MAST2: variants seen among roughly 807,000 people sequenced by gnomAD.
MAST2 encodes the protein microtubule associated serine/threonine kinase 2.
MAST2 carries 70 observed loss-of-function variants against 147.4 expected under a neutral mutation model. The observed-to-expected ratio is 0.47, with a 90% confidence interval of 0.39 to 0.58. MAST2 has a LOEUF of 0.58. Ranked by LOEUF, MAST2 falls within the 20% of genes least tolerant of loss-of-function variation. The pLI, the probability that MAST2 is intolerant of heterozygous loss-of-function variation, is 0.00. For synonymous variants in MAST2, 869 were observed against 896.8 expected, an observed-to-expected ratio of 0.97 and a Z score of 0.55; for missense variants, 2,080 against 2,302.3, an observed-to-expected ratio of 0.90 and a Z score of 1.98.
At chr1:45,937,457 A>G (rs562508215) in intron 4 of MAST2, among the ~76,000 whole-genome samples, 1 of 152,156 alleles carries the variant, frequency 6.6e-6, no homozygotes, top group South Asian at 2.1e-4. Flanking sequence ...AGTATAAAAT[A>G]TGCCCATTGT....
At chr1:45,807,511 G>T (rs4660316) in intron 1 of MAST2, among the ~76,000 whole-genome samples, 4,887 of 150,898 alleles carry the variant, frequency 0.032, 162 homozygotes, top group East Asian at 0.16. Context: ...CATTTCCACC[G>T]TAGACTCATC....
chr1:45,857,853 T>G (rs1306961382), intron 3 of MAST2, among the ~76,000 whole-genome samples: 1 of 127,630 alleles, frequency 7.8e-6, no homozygotes, highest in East Asian at 2.4e-4. Flanking sequence ...ATGCGGTGTT[T>G]TTTTTTTTTT....
chr1:45,995,695 G>T (rs552050981), intron 5 of MAST2, among the ~76,000 whole-genome samples: 15 of 152,150 alleles, frequency 9.9e-5, no homozygotes, highest in African/African-American at 3.6e-4. Context: ...GGCATGACAG[G>T]CGTGAGCCAC....
intron 7 of MAST2, 37 bp from the exon 8 acceptor site, chr1:46,006,203 AT>A (rs777389972): frequency 2.2e-5 from 35 of 1,589,080 alleles, no homozygotes; most frequent in Non-Finnish European, 3.0e-5. Context: ...GCTCTGGGAC[AT>A]GTCTTTAATG....
intron 6 of MAST2, chr1:46,000,929 C>A (rs746613386): frequency 7.8e-7 from 1 of 1,287,000 alleles, no homozygotes; most frequent in Non-Finnish European, 1.0e-6. Context: ...TCCTTTGGTT[C>A]TCACTATAAT....
rs34995725 is a variant in MAST2, at chr1:45,871,220, CT to C, written c.469-11134del. On this transcript the variant is annotated intron_variant, in intron 3 of 28. Coordinates refer to ENST00000361297, the MANE Select transcript of MAST2 (RefSeq NM_015112.3). ...CTACATCTCTATGCCTTACTGTCCC[CT>C]TTTTTTTTTACCCTTTAAAAATATT... 1.8e-4 allele frequency among the ~76,000 whole-genome samples: 26 copies of C among 147,734 alleles called. No homozygotes were observed. The East Asian group carries it at 2.7e-3, about 16-fold the overall frequency.
chr1:45,897,340 C>T (rs1001041151), intron 4 of MAST2, among the ~76,000 whole-genome samples: 4 of 152,200 alleles, frequency 2.6e-5, no homozygotes, highest in Non-Finnish European at 5.9e-5. Context: ...GAAAGCACTA[C>T]TCACCCCAGT....
intron 5 of MAST2, among the ~76,000 whole-genome samples, chr1:45,963,653 G>A (rs1660758184): frequency 6.6e-6 from 1 of 152,198 alleles, no homozygotes; most frequent in Non-Finnish European, 1.5e-5. Flanking sequence ...AGCTTAAGGA[G>A]ATTTTGGGCT....
intron 4 of MAST2, among the ~76,000 whole-genome samples, chr1:45,884,248 A>G (rs535924971): frequency 6.6e-6 from 1 of 152,198 alleles, no homozygotes; most frequent in Admixed American, 6.5e-5. Flanking sequence ...CAGTAAATAC[A>G]CAGTAATATC....
intron 1 of MAST2, among the ~76,000 whole-genome samples, chr1:45,818,324 T>A (rs1289081443): frequency 1.3e-5 from 2 of 152,182 alleles, no homozygotes; most frequent in African/African-American, 4.8e-5. Flanking sequence ...GACCTTTATT[T>A]GATGCAAGTT....
intron 4 of MAST2, among the ~76,000 whole-genome samples, chr1:45,946,650 A>G (rs1449454182): frequency 6.6e-6 from 1 of 152,116 alleles, no homozygotes; most frequent in South Asian, 2.1e-4. Context: ...CTTCCTTTGC[A>G]TTGCTGGTGG....
chr1:45,858,236 A>G (rs933191773), intron 3 of MAST2, among the ~76,000 whole-genome samples: 36 of 152,284 alleles, frequency 2.4e-4, no homozygotes, highest in African/African-American at 8.4e-4. Flanking sequence ...CCAACAGTGT[A>G]AAAGTGTTCC....
rs377353778 is a variant in MAST2 at position 46,035,076 on chromosome 1, G to A, written c.4407G>A (p.Val1469=). 13 of 1,613,590 alleles carry A rather than the reference G, an allele frequency of 8.1e-6. No homozygotes were observed. Among genetic ancestry groups the A allele is most frequent in the Non-Finnish European group, 1.1e-5 (13 of 1,179,954 alleles). Residue 1469 remains valine, a synonymous_variant, in exon 29 of 29, where the codon GTG becomes GTA. Transcript: ENST00000361297. This position sits in a 1 kb window ranked among gnomAD's most constrained non-coding sequence, Gnocchi z 5.5. ...AGGGGGCCCTGCCAGGGAAGGGGGTGCTGCAGCCTGCTCCCTCACGGGCCC... is the reference window on the plus strand; with the variant it reads ...AGGGGGCCCTGCCAGGGAAGGGGGTACTGCAGCCTGCTCCCTCACGGGCCC... ...SGKGALPGKG[V]LQPAPSRALG...
intron 5 of MAST2, among the ~76,000 whole-genome samples, chr1:45,994,078 T>C (rs930169369): frequency 2.6e-5 from 4 of 152,132 alleles, no homozygotes; most frequent in Admixed American, 2.6e-4. Flanking sequence ...AGCACATGGA[T>C]GTATAACAAT....
intron 3 of MAST2, among the ~76,000 whole-genome samples, chr1:45,880,330 T>C (rs1646788514): frequency 1.3e-5 from 2 of 152,236 alleles, no homozygotes; most frequent in South Asian, 2.1e-4. Context: ...TCCATTCATA[T>C]GAAGTTTTGA....
intron 4 of MAST2, among the ~76,000 whole-genome samples, chr1:45,939,980 GTTTTT>G (rs1174123217): frequency 9.2e-5 from 9 of 97,334 alleles, no homozygotes; most frequent in African/African-American, 1.6e-4. Context: ...TTTATTTAGG[GTTTTT>G]TTTTTTTTTT....
rs112806480 is a variant in MAST2, at chr1:45,962,019, T to A, written c.592+2542T>A. On this transcript the variant is annotated intron_variant, in intron 5 of 28. Coordinates refer to ENST00000361297, the MANE Select transcript of MAST2 (RefSeq NM_015112.3). ...CCCACCTATGAGTGAGAACATTCGG[T>A]GTTTGGTTTTTTGTCCTTGCGATAG... Among the ~76,000 whole-genome samples the A allele has an allele frequency of 1.8e-3, 265 of 147,960 alleles. 1 individual carries two copies. The highest frequency in any genetic ancestry group is 7.0e-3 in the Middle Eastern group (2 of 284).
At chr1:45,898,179 T>C (rs1649086590) in intron 4 of MAST2, among the ~76,000 whole-genome samples, 1 of 151,874 alleles carries the variant, frequency 6.6e-6, no homozygotes, top group Non-Finnish European at 1.5e-5. Context: ...ACAAGTGCGC[T>C]CCTCCCCTGG....
intron 3 of MAST2, among the ~76,000 whole-genome samples, chr1:45,882,134 G>C (rs1246314190): frequency 1.3e-5 from 2 of 150,064 alleles, no homozygotes; most frequent in Non-Finnish European, 3.0e-5. Context: ...GGAGCTTGCA[G>C]TGAGCCAAGA....
Sources: allele counts gnomAD v4.1 joint callset (sites outside exome capture counted in the v4.1 genomes callset), GRCh38; gene constraint gnomAD v4.1.1; non-coding constraint Gnocchi (gnomAD v3.1); transcripts MANE v1.5; gene names NCBI Gene and HGNC (gene_info 2026-07-23, HGNC 2026-07-21).